LRRC4C: variants seen among roughly 807,000 people sequenced by gnomAD.
The protein encoded by LRRC4C is leucine rich repeat containing 4C.
Under a neutral mutation model 33.6 loss-of-function variants are expected in LRRC4C, and 5 were observed. The ratio of observed to expected loss-of-function variants is 0.15; its 90% CI spans 0.08 to 0.31. The LOEUF (loss-of-function observed/expected upper bound fraction) is 0.31, where lower values mean the gene tolerates loss of function less well. Ranked by LOEUF, LRRC4C falls within the 10% of genes least tolerant of loss-of-function variation. The pLI is 1.00. For missense variants in LRRC4C, 560 were observed against 796.7 expected (o/e 0.70, Z 3.58); for synonymous variants, 329 against 302.0 (o/e 1.09, Z -0.93).
At chr11:41,252,482 C>G (rs1011688584) in intron 1 of LRRC4C, among the ~76,000 whole-genome samples, 14 of 152,034 alleles carry the variant, frequency 9.2e-5, no homozygotes, top group African/African-American at 3.1e-4. Context: ...AATCCGGACC[C>G]AATAGTCAGG....
At chr11:40,237,030 A>T (rs1474227867) in intron 5 of LRRC4C, among the ~76,000 whole-genome samples, 1 of 152,218 alleles carries the variant, frequency 6.6e-6, no homozygotes, top group East Asian at 1.9e-4. Flanking sequence ...CTTGATTTAT[A>T]TTAAAAAGCA....
At chr11:41,332,340 G>C (rs542393633) in intron 1 of LRRC4C, among the ~76,000 whole-genome samples, 1 of 151,894 alleles carries the variant, frequency 6.6e-6, no homozygotes, top group Non-Finnish European at 1.5e-5. Flanking sequence ...AATACTTTAG[G>C]GTTTTTTTAA....
chr11:40,675,962 T>TGTTG (rs938325960), intron 2 of LRRC4C, among the ~76,000 whole-genome samples: 6 of 152,182 alleles, frequency 3.9e-5, no homozygotes, highest in Non-Finnish European at 8.8e-5. Context: ...TGGTCTTAGG[T>TGTTG]GTTGCTAAGA....
At chr11:41,319,415 G>T (rs1265881116) in intron 1 of LRRC4C, among the ~76,000 whole-genome samples, 2 of 152,144 alleles carry the variant, frequency 1.3e-5, no homozygotes, top group Non-Finnish European at 2.9e-5. Flanking sequence ...GCTCTTCTAG[G>T]TTGGAAGAAA....
chr11:41,031,643 A>G (rs180718316), intron 1 of LRRC4C, among the ~76,000 whole-genome samples: 76 of 152,110 alleles, frequency 5.0e-4, no homozygotes, highest in African/African-American at 1.8e-3. Context: ...TTTAAAATCA[A>G]TTCAAGCTCG....
chr11:41,426,985 C>G (rs1042421914), intron 1 of LRRC4C, among the ~76,000 whole-genome samples: 1 of 152,164 alleles, frequency 6.6e-6, no homozygotes, highest in Non-Finnish European at 1.5e-5. Context: ...AACATCAATT[C>G]TACTGCAGTT....
chr11:40,519,215 T>A (rs998912789), intron 3 of LRRC4C, among the ~76,000 whole-genome samples: 2 of 152,068 alleles, frequency 1.3e-5, no homozygotes, highest in Non-Finnish European at 1.5e-5. Context: ...GTTCTGCACA[T>A]GTACCCCAGA....
At chr11:41,026,410 T>C (rs1856363539) in intron 1 of LRRC4C, among the ~76,000 whole-genome samples, 1 of 151,552 alleles carries the variant, frequency 6.6e-6, no homozygotes, top group Non-Finnish European at 1.5e-5. Flanking sequence ...GTTGCTGCAA[T>C]CTTAGGATCA....
intron 1 of LRRC4C, among the ~76,000 whole-genome samples, chr11:41,170,192 T>G (rs1021095929): frequency 1.8e-4 from 27 of 152,166 alleles, no homozygotes; most frequent in African/African-American, 6.5e-4. Context: ...AGGTAATTTA[T>G]AGATTCAATG....
intron 3 of LRRC4C, among the ~76,000 whole-genome samples, chr11:40,451,588 T>C (rs973498668): frequency 6.6e-6 from 1 of 151,812 alleles, no homozygotes; most frequent in South Asian, 2.1e-4. Flanking sequence ...GGTTTCACTA[T>C]GTTGGCCAGG....
intron 1 of LRRC4C, among the ~76,000 whole-genome samples, chr11:41,420,746 T>C (rs1228731463): frequency 6.6e-6 from 1 of 151,956 alleles, no homozygotes; most frequent in Non-Finnish European, 1.5e-5. Context: ...CTTCTTAGTT[T>C]CCCAGATTAA....
chr11:40,870,054 T>A (rs540839695), intron 2 of LRRC4C, among the ~76,000 whole-genome samples: 1 of 152,244 alleles, frequency 6.6e-6, no homozygotes, highest in African/African-American at 2.4e-5. Context: ...CACTATCATG[T>A]ACCAAGAACT....
intron 1 of LRRC4C, among the ~76,000 whole-genome samples, chr11:41,128,280 A>G (rs1364006760): frequency 6.6e-6 from 1 of 151,208 alleles, no homozygotes; most frequent in African/African-American, 2.4e-5. Flanking sequence ...AAAAAAAATC[A>G]TTTCTATTTG....
At chr11:40,425,381 G>A (rs1324100416) in intron 3 of LRRC4C, among the ~76,000 whole-genome samples, 1 of 152,194 alleles carries the variant, frequency 6.6e-6, no homozygotes, top group Non-Finnish European at 1.5e-5. Context: ...GAGATGAATA[G>A]AAAGGGATGA....
At chr11:40,644,948 T>TG (rs1942356219) in intron 3 of LRRC4C, among the ~76,000 whole-genome samples, 1 of 149,566 alleles carries the variant, frequency 6.7e-6, no homozygotes, top group Non-Finnish European at 1.5e-5. Flanking sequence ...ATCTCTGTGT[T>TG]TTTTTTTTTT....
intron 2 of LRRC4C, among the ~76,000 whole-genome samples, chr11:40,927,238 G>A (rs1957440779): frequency 6.6e-6 from 1 of 151,986 alleles, no homozygotes; most frequent in South Asian, 2.1e-4. Context: ...GCCAGGTGTG[G>A]TGGTGCGCAC....
chr11:40,652,425 G>A (rs962000815), intron 2 of LRRC4C, among the ~76,000 whole-genome samples: 10 of 152,180 alleles, frequency 6.6e-5, no homozygotes, highest in African/African-American at 2.4e-4. Flanking sequence ...AGAGATACTT[G>A]ATTATTATCT....
intron 3 of LRRC4C, among the ~76,000 whole-genome samples, chr11:40,474,407 C>T (rs920717701): frequency 1.3e-5 from 2 of 152,110 alleles, no homozygotes; most frequent in East Asian, 1.9e-4. Context: ...GGACCCCTTC[C>T]CCACATCTTA....
chr11:41,116,631 G>A (rs915824713), intron 1 of LRRC4C, among the ~76,000 whole-genome samples: 3 of 152,074 alleles, frequency 2.0e-5, no homozygotes, highest in African/African-American at 4.8e-5. Context: ...TGGGAAGGGA[G>A]TGGAAGGACT....
Sources: allele counts gnomAD v4.1 joint callset (sites outside exome capture counted in the v4.1 genomes callset), GRCh38; gene constraint gnomAD v4.1.1; transcripts MANE v1.5; gene names NCBI Gene and HGNC (gene_info 2026-07-23, HGNC 2026-07-21).